Variants in ZNF185 observed in about 807,000 individuals in gnomAD.
The protein encoded by ZNF185 is zinc finger protein 185 with LIM domain, also known as zinc finger protein 185.
A neutral mutation model predicts 58.6 loss-of-function variants in ZNF185; 56 were observed. The ratio of observed to expected loss-of-function variants is 0.95; its 90% CI spans 0.77 to 1.19. The LOEUF (loss-of-function observed/expected upper bound fraction) is 1.19. ZNF185 is among the 50% of genes most tolerant of loss of function. ZNF185 has a pLI of 0.00. For missense variants in ZNF185, 627 were observed against 573.5 expected, an observed-to-expected ratio of 1.09 and a Z score of -0.95; for synonymous variants, 230 against 215.9, an observed-to-expected ratio of 1.07 and a Z score of -0.57.
chrX:152,948,273 C>T (rs782784348), intron 16 of ZNF185, among the ~76,000 whole-genome samples: 7 of 111,100 alleles, frequency 6.3e-5, no homozygotes, highest in Non-Finnish European at 1.1e-4. Context: ...GAGGAGGGAG[C>T]GGAGGATAAG....
chrX:152,914,263 G>T (rs1808505459), upstream of ZNF185, among the ~76,000 whole-genome samples: 1 of 112,136 alleles, frequency 8.9e-6, no homozygotes, highest in South Asian at 3.7e-4. Context: ...CCGCTGGGCA[G>T]CAGCAGGTAC....
At chrX:152,935,426 C>T (rs5969925) in intron 14 of ZNF185, among the ~76,000 whole-genome samples, 19,210 of 107,878 alleles carry the variant, frequency 0.18, 1,477 homozygotes, top group Non-Finnish European at 0.24. Context: ...TTAGTAGAGA[C>T]GGGGTTTCAC....
exon 20 of ZNF185, chrX:152,967,184 A>C: frequency 8.3e-7 from 1 of 1,211,128 alleles, no homozygotes; most frequent in Non-Finnish European, 1.1e-6. Context: ...AGCATTGAGG[A>C]CTCATTCGCC....
chrX:152,964,278 G>T (rs1389365931), intron 18 of ZNF185, among the ~76,000 whole-genome samples: 1 of 112,831 alleles, frequency 8.9e-6, no homozygotes, highest in Admixed American at 9.3e-5. Flanking sequence ...GCCTGTGAGG[G>T]CATTCCTGTG....
At chrX:152,908,505 T>C in the ZNF185 span, among the ~76,000 whole-genome samples, 26 of 112,308 alleles carry the variant, frequency 2.3e-4, no homozygotes, top group African/African-American at 7.8e-4. Flanking sequence ...AGTGTAGGGC[T>C]GCGGGAGTGG....
chrX:152,943,400 A>C (rs2047453760), intron 15 of ZNF185, among the ~76,000 whole-genome samples: 1 of 112,502 alleles, frequency 8.9e-6, no homozygotes, highest in African/African-American at 3.2e-5. Flanking sequence ...AATTACACTC[A>C]GAAGGAAAGG....
rs782009837 is a variant in ZNF185 at position 152,958,910 on chromosome X, C to T, written c.1410-789C>T. On this transcript the variant is annotated intron_variant, in intron 16 of 22. Transcript: ENST00000449285. ...GTGCGTGCACAGGCCGGGGTGCGGC[C>T]GGCGTGAGTACGCCTGCGCGTGCCG... Among the ~76,000 whole-genome samples, 7 of 112,389 alleles carry T rather than the reference C, an allele frequency of 6.2e-5. No individual in the cohort carries two copies. In the East Asian group the frequency reaches 1.7e-3, roughly 27 times the overall value.
rs782222435 is a variant in ZNF185, at chrX:152,922,180, G to A, written c.664G>A (p.Val222Met). Reference sequence around the variant, plus strand: ...TTCTCTTCTTGCTCAAAGGGTGGAGGTGGTGGAAGAGGACGGGCCTTCTGA... The same window carrying A: ...TTCTCTTCTTGCTCAAAGGGTGGAGATGGTGGAAGAGGACGGGCCTTCTGA... Residue 222 changes from valine to methionine, a missense_variant, in exon 10 of 23, where the codon GTG (valine) becomes ATG (methionine). Coordinates refer to ENST00000449285, the Ensembl canonical transcript of ZNF185. 8.4e-6 allele frequency: 10 copies of A among 1,193,505 alleles called. No homozygotes were observed. In the East Asian group the frequency reaches 3.0e-4, roughly 36 times the overall value.
exon 1 of ZNF185, chrX:152,914,492 G>A: frequency 2.5e-6 from 3 of 1,185,738 alleles, no homozygotes; most frequent in Non-Finnish European, 3.4e-6. Context: ...CAATCACCAT[G>A]AGTATCTCAG....
At chrX:152,965,462 C>T (rs925692864) in exon 19 of ZNF185, 13 of 1,183,914 alleles carry the variant, frequency 1.1e-5, no homozygotes, top group Non-Finnish European at 1.5e-5. Context: ...GGATTCTCTT[C>T]GTGAAGGAGT....
At chrX:152,935,526 G>A (rs782403074) in intron 14 of ZNF185, among the ~76,000 whole-genome samples, 1 of 112,529 alleles carries the variant, frequency 8.9e-6, no homozygotes, top group East Asian at 2.8e-4. Context: ...GTGAGCCATC[G>A]CGTCCTGCCT....
chrX:152,942,015 G>T (rs998041334), intron 15 of ZNF185, among the ~76,000 whole-genome samples: 6 of 112,304 alleles, frequency 5.3e-5, no homozygotes, highest in Admixed American at 1.9e-4. Flanking sequence ...TGCCCAGGGG[G>T]AGGGGGTGTG....
chrX:152,946,755 A>G (rs2047827541), intron 16 of ZNF185, among the ~76,000 whole-genome samples: 1 of 112,045 alleles, frequency 8.9e-6, no homozygotes, highest in Non-Finnish European at 1.9e-5. Flanking sequence ...GTGGAGGCTC[A>G]CAAAGTGTAT....
intron 15 of ZNF185, among the ~76,000 whole-genome samples, chrX:152,939,072 G>C (rs1569506570): frequency 2.7e-5 from 3 of 111,857 alleles, no homozygotes; most frequent in Non-Finnish European, 5.6e-5. Flanking sequence ...CAGGGCCTTG[G>C]TAAGCCATGG....
At chrX:152,964,437 G>A (rs1294198190) in intron 18 of ZNF185, among the ~76,000 whole-genome samples, 1 of 112,632 alleles carries the variant, frequency 8.9e-6, no homozygotes, top group African/African-American at 3.2e-5. Flanking sequence ...GGTGGAAGCC[G>A]AAGTGGGAGC....
rs193291548 is a variant in ZNF185 at position 152,918,891 on chromosome X, T to C, written c.432-92T>C. On this transcript the variant is annotated intron_variant, in intron 6 of 22. Coordinates refer to ENST00000449285, the Ensembl canonical transcript of ZNF185. ...GACCTAAGGCCCAAAGGCAGAGATA[T>C]TGACTTGCCTCGTCATTGTTGTTGA... 122 of 643,043 alleles carry C rather than the reference T, an allele frequency of 1.9e-4. No individual in the cohort carries two copies. The East Asian group carries it at 4.2e-3, about 22-fold the overall frequency. The allele number at this position is 643,043 out of a possible 1,213,427, so 53.0% of individuals were successfully genotyped here.
intron 11 of ZNF185, 77 bp from the exon 13 acceptor site, chrX:152,928,498 C>T (rs1941300612): frequency 4.7e-6 from 5 of 1,063,924 alleles, no homozygotes; most frequent in Non-Finnish European, 5.2e-6. Flanking sequence ...GTCTGGGCGG[C>T]CCACCGCACT....
intron 13 of ZNF185, 141 bp downstream of exon 14, chrX:152,931,917 A>AG: frequency 2.7e-6 from 1 of 372,514 alleles, no homozygotes; most frequent in Non-Finnish European, 4.5e-6. Flanking sequence ...CTGTTCCCCC[A>AG]GTACCTGGGG....
In ZNF185 at chrX:152,916,135, G is replaced by A. The variant is rs782253786; in HGVS notation, c.224+932G>A. Among the ~76,000 whole-genome samples, 188 of 111,914 alleles carry A rather than the reference G, an allele frequency of 1.7e-3. 2 individuals carry two copies. Among genetic ancestry groups the A allele is most frequent in the African/African-American group, 5.5e-3 (171 of 30,818 alleles). On this transcript the variant is annotated intron_variant, in intron 3 of 22. Coordinates refer to ENST00000449285, the Ensembl canonical transcript of ZNF185. Reference sequence around the variant, plus strand: ...CTAGTAAACAGTTCAATACAAAAGCGAGAACCCCCAAGTGTGCCTGCAACA... The same window carrying A: ...CTAGTAAACAGTTCAATACAAAAGCAAGAACCCCCAAGTGTGCCTGCAACA...
Sources: gnomAD v4.1 joint callset for allele counts (sites outside exome capture counted in the v4.1 genomes callset) on GRCh38, gnomAD v4.1.1 for gene constraint, MANE v1.5 for transcripts, NCBI Gene and HGNC (gene_info 2026-07-23, HGNC 2026-07-21) for gene names.